Variants in HINFP observed in about 807,000 individuals in gnomAD.
The protein encoded by HINFP is MBD2 (methyl-CpG-binding protein)-interacting zinc finger protein.
HINFP carries 20 observed loss-of-function variants against 50.1 expected under a neutral mutation model. The ratio of observed to expected loss-of-function variants is 0.40; its 90% CI spans 0.28 to 0.58. The LOEUF (loss-of-function observed/expected upper bound fraction) is 0.58, where lower values mean the gene tolerates loss of function less well. Among genes scored for constraint, HINFP ranks in the 20% least tolerant of loss-of-function variants. The pLI is 0.45. For synonymous variants in HINFP, 247 were observed against 243.7 expected, an observed-to-expected ratio of 1.01 and a Z score of -0.13; for missense variants, 505 against 664.1, an observed-to-expected ratio of 0.76 and a Z score of 2.63.
At chr11:119,126,479 TTTA>T (rs1316035775) in intron 1 of HINFP, 1 of 152,696 alleles carries the variant, frequency 6.5e-6, no homozygotes, top group African/African-American at 2.4e-5. Flanking sequence ...AACAAAAAGA[TTTA>T]TTATCTTCAT....
intron 2 of HINFP, 81 bp from the exon 3 acceptor site, chr11:119,130,643 AC>A (rs1044868609): frequency 8.0e-7 from 1 of 1,251,446 alleles, no homozygotes; most frequent in Non-Finnish European, 1.2e-6. Context: ...CAGCCTCCTC[AC>A]TCTCTGTTTA....
rs576245449 is a variant in HINFP, at chr11:119,122,993, C to T, written c.-11+1354C>T. 3.4e-4 allele frequency among the ~76,000 whole-genome samples: 51 copies of T among 151,852 alleles called. No homozygotes were observed. The South Asian group carries it at 7.5e-3, about 22-fold the overall frequency. On this transcript the variant is annotated intron_variant, in intron 1 of 9. Coordinates refer to ENST00000350777, the MANE Select transcript of HINFP (RefSeq NM_198971.3). ...CAAAAATTAGCTGGGCGTGGTGGTG[C>T]GTGCTTATAGTCCCAGCTATAATAC... is the stretch of plus-strand genomic sequence containing the variant.
At chr11:119,132,595 G>C (rs761081653) in intron 6 of HINFP, 22 bp downstream of exon 6, 2 of 1,614,086 alleles carry the variant, frequency 1.2e-6, no homozygotes, top group South Asian at 2.2e-5. Flanking sequence ...GCGGCCCACA[G>C]CCTCCCTCCT....
At position 119,123,706 on chromosome 11, in the gene HINFP, G is replaced by GATTTTTTTTTTTTTTTTTTTT. The variant is rs1391582883; in HGVS notation, c.-11+2067_-11+2068insATTTTTTTTTTTTTTTTTTTT. The GATTTTTTTTTTTTTTTTTTTT allele has an allele frequency of 8.1e-5, 6 of 74,162 alleles. 2 individuals carry two copies. The highest frequency in any genetic ancestry group is 1.1e-4 in the African/African-American group (2 of 18,760). The allele number at this position is 74,162 out of a possible 1,614,324, so 4.6% of individuals were successfully genotyped here. A position where few individuals can be genotyped will look rare whatever the true frequency, so the allele number is the denominator to read the frequency against. On this transcript the variant is annotated intron_variant, in intron 1 of 9. Transcript: ENST00000350777. ...GCAGGTGCATGCTACCACATCGGCT[G>GATTTTTTTTTTTTTTTTTTTT]TTTTTTTTTTTTTTTTTTTTTTTTT... is the stretch of plus-strand genomic sequence containing the variant.
Position 119,132,529 on chromosome 11 carries a change from G to T in HINFP, c.710G>T (p.Arg237Ile), listed in dbSNP as rs911778686. The part of the protein sequence containing the change: ...QHFQCSHCSK[R>I]FATERLLRDH... ...TTCCAGTGTTCTCACTGTTCCAAGA[G>T]ATTTGCCACAGAGCGGCTATTGCGG... The change falls in exon 6 of 10, where the codon AGA (arginine) becomes ATA (isoleucine). Residue 237 changes from arginine to isoleucine, a missense_variant. Coordinates refer to ENST00000350777, the MANE Select transcript of HINFP (RefSeq NM_198971.3). 4 of 1,614,152 alleles carry T rather than the reference G, an allele frequency of 2.5e-6. No homozygotes were observed. Among genetic ancestry groups the T allele is most frequent in the Non-Finnish European group, 3.4e-6 (4 of 1,180,032 alleles).
rs1386173829 is a variant in HINFP, at chr11:119,132,742, G to T, written c.836G>T (p.Ser279Ile). 5.0e-6 allele frequency: 8 copies of T among 1,613,806 alleles called. No individual in the cohort carries two copies. Among genetic ancestry groups the T allele is most frequent in the Non-Finnish European group, 6.8e-6 (8 of 1,180,038 alleles). Residue 279 changes from serine (S) to isoleucine (I), a missense_variant, in exon 7 of 10, where the codon AGT becomes ATT. By Grantham distance (142) the Ser-to-Ile change is moderately radical. Coordinates refer to ENST00000350777, the MANE Select transcript of HINFP (RefSeq NM_198971.3). The stretch of plus-strand genomic sequence containing the variant: ...CGCAACCACATGCGCTTTCGTCACA[G>T]TGAGGACCGGCCCTTTAAATGTGAC... Reference protein sequence around the residue: ...SLRNHMRFRHSEDRPFKCDCC... With the variant: ...SLRNHMRFRHIEDRPFKCDCC...
In HINFP at chr11:119,134,706, G is replaced by T. The variant is rs1386492883; in HGVS notation, c.*208G>T. 9 of 513,490 alleles carry T rather than the reference G, an allele frequency of 1.8e-5. No homozygotes were observed. Among genetic ancestry groups the T allele is most frequent in the Non-Finnish European group, 2.8e-5 (8 of 289,892 alleles). 31.8% of individuals were successfully genotyped at this position (513,490 alleles called of 1,614,324 possible). On this transcript the variant is annotated 3_prime_UTR_variant, in exon 10 of 10. Coordinates refer to ENST00000350777, the MANE Select transcript of HINFP (RefSeq NM_198971.3). The surrounding 1 kb of genome is among the most constrained non-coding windows in gnomAD (Gnocchi z 4.3). Reference sequence around the variant, plus strand: ...GACTACATTTTGTGGGGAGCCTGAGGACTCTGGATTCTTTGAGGGGATCCT... The same window carrying T: ...GACTACATTTTGTGGGGAGCCTGAGTACTCTGGATTCTTTGAGGGGATCCT...
chr11:119,134,433 C>T lies in HINFP; in HGVS notation c.1489C>T (p.Pro497Ser). The T allele has an allele frequency of 6.2e-7, 1 of 1,613,816 alleles. No homozygotes were observed. Among genetic ancestry groups the T allele is most frequent in the Non-Finnish European group, 8.5e-7 (1 of 1,179,808 alleles). ...GGAGCCTCCCCCAGCCCCTGAGCCA[C>T]CTTCAGGGGGCATCATGGAAAAGCT... is the stretch of plus-strand genomic sequence containing the variant. ...PGEPPPAPEP[P>S]SGGIMEKLQG... The change falls in exon 10 of 10, where the codon CCT becomes TCT. Residue 497 changes from proline (P) to serine (S), a missense_variant. Coordinates refer to ENST00000350777, the MANE Select transcript of HINFP (RefSeq NM_198971.3). This position sits in a 1 kb window ranked among gnomAD's most constrained non-coding sequence, Gnocchi z 4.3.
In HINFP at chr11:119,134,466, A is replaced by G. The variant is rs1947965987; in HGVS notation, c.1522A>G (p.Ile508Val). 6.2e-7 allele frequency: 1 copy of G among 1,609,678 alleles called. No homozygotes were observed. Among genetic ancestry groups the G allele is most frequent in the Non-Finnish European group, 8.5e-7 (1 of 1,177,008 alleles). Residue 508 changes from isoleucine (I) to valine (V), a missense_variant, in exon 10 of 10, where the codon ATA becomes GTA. Transcript: ENST00000350777. The surrounding 1 kb of genome is among the most constrained non-coding windows in gnomAD (Gnocchi z 4.3). ...GGGCATCATGGAAAAGCTTCAAGGA[A>G]TAGCTGAGGAGCCAGAGATCCAGAT... ...SGGIMEKLQG[I>V]AEEPEIQMV
intron 2 of HINFP, among the ~76,000 whole-genome samples, chr11:119,129,478 C>CATTT (rs1204306364): frequency 2.9e-4 from 40 of 137,610 alleles, no homozygotes; most frequent in African/African-American, 1.1e-3. Context: ...GGCAGGAATA[C>CATTT]ATTTTTCTTT....
At chr11:119,133,580 A>AAAAT (rs10529766) in intron 9 of HINFP, 61,253 of 185,288 alleles carry the variant, frequency 0.33, 12,092 homozygotes, top group East Asian at 0.69. Flanking sequence ...CTCCATCTCA[A>AAAAT]AAATAAATAA....
chr11:119,130,040 G>A (rs1947666304), intron 2 of HINFP: 1 of 152,302 alleles, frequency 6.6e-6, no homozygotes, highest in Non-Finnish European at 1.5e-5. Flanking sequence ...ACAGTGCTTA[G>A]GGATGCTAGA....
chr11:119,132,962 C>T lies in HINFP; in HGVS notation c.974C>T (p.Ser325Phe). The change falls in exon 8 of 10, where the codon TCC becomes TTC. Residue 325 changes from serine to phenylalanine, a missense_variant. Transcript: ENST00000350777. ...GAGAACTGCACCTTCAGTGCCCGAT[C>T]CCTCTGCTCTATCAAGTCCCATTAC... ...DFENCTFSARSLCSIKSHYRK... is the reference protein window; with the variant it reads ...DFENCTFSARFLCSIKSHYRK... The T allele has an allele frequency of 1.9e-6, 3 of 1,614,234 alleles. No homozygotes were observed. The highest frequency in any genetic ancestry group is 2.5e-6 in the Non-Finnish European group (3 of 1,180,050).
intron 2 of HINFP, among the ~76,000 whole-genome samples, chr11:119,129,547 G>A (rs1227437954): frequency 3.5e-5 from 5 of 144,672 alleles, no homozygotes; most frequent in African/African-American, 5.3e-5. Context: ...TGCAAGGTCC[G>A]CCTCCCGGGT....
chr11:119,125,012 T>G (rs1260457053), intron 1 of HINFP: 9 of 142,550 alleles, frequency 6.3e-5, no homozygotes, highest in African/African-American at 2.5e-4. Context: ...AACCTTTAGT[T>G]TTTTGTTTGT....
chr11:119,122,573 A>C (rs1443557036), intron 1 of HINFP, among the ~76,000 whole-genome samples: 2 of 152,160 alleles, frequency 1.3e-5, no homozygotes, highest in Admixed American at 1.3e-4. Context: ...GGCTTCCCGG[A>C]ATGTGATTAT....
At position 119,135,787 on chromosome 11, in the gene HINFP, G is replaced by C. The variant is rs1165833734; in HGVS notation, c.*1289G>C. On this transcript the variant is annotated 3_prime_UTR_variant, in exon 10 of 10. Transcript: ENST00000350777. ...TTCACGCCTGTAATCCCAACACTTT[G>C]GGAGGCTGAGGCGGGCGGATCACAA... 1 of 152,196 alleles carries C rather than the reference G, an allele frequency of 6.6e-6. No individual in the cohort carries two copies. Among genetic ancestry groups the C allele is most frequent in the Non-Finnish European group, 1.5e-5 (1 of 68,058 alleles). 9.4% of individuals were successfully genotyped at this position (152,196 alleles called of 1,614,324 possible). A position where few individuals can be genotyped will look rare whatever the true frequency, so the allele number is the denominator to read the frequency against.
At position 119,132,729 on chromosome 11, in the gene HINFP, C is replaced by T. The variant is rs1255382157; in HGVS notation, c.823C>T (p.Arg275Cys). The part of the protein sequence containing the change: ...PLPSSLRNHM[R>C]FRHSEDRPFK... ...GCCTTCCTCCCTCCGCAACCACATG[C>T]GCTTTCGTCACAGTGAGGACCGGCC... Residue 275 changes from arginine to cysteine, a missense_variant, in exon 7 of 10, where the codon CGC becomes TGC. Coordinates refer to ENST00000350777, the MANE Select transcript of HINFP (RefSeq NM_198971.3). 33 of 1,613,746 alleles carry T rather than the reference C, an allele frequency of 2.0e-5. No individual in the cohort carries two copies. Among genetic ancestry groups the T allele is most frequent in the African/African-American group, 2.7e-5 (2 of 74,926 alleles).
rs760555535 is a variant in HINFP, at chr11:119,132,854, C to T, written c.876-10C>T. 9.3e-6 allele frequency: 15 copies of T among 1,614,070 alleles called. No homozygotes were observed. The highest frequency in any genetic ancestry group is 1.7e-5 in the Admixed American group (1 of 60,006). ...CATGTCCTCCAATCCCTCCTGATTT[C>T]TCATGGCAGCTGCAAGAATCTTATT... On this transcript the variant is annotated splice_polypyrimidine_tract_variant and intron_variant, in intron 7 of 9. Transcript: ENST00000350777.
Sources: gnomAD v4.1 joint callset for allele counts (sites outside exome capture counted in the v4.1 genomes callset) on GRCh38, gnomAD v4.1.1 for gene constraint, Gnocchi (gnomAD v3.1) non-coding constraint, MANE v1.5 for transcripts, NCBI Gene and HGNC (gene_info 2026-07-23, HGNC 2026-07-21) for gene names.